SERPINH1: variants seen among roughly 807,000 people sequenced by gnomAD.
SERPINH1 encodes the protein serpin family H member 1.
In SERPINH1, 22 loss-of-function variants were observed where a neutral mutation model predicts 32.3. The ratio of observed to expected loss-of-function variants is 0.68; its 90% CI spans 0.49 to 0.97. SERPINH1 has a LOEUF of 0.97. SERPINH1 is among the 50% of genes least tolerant of loss of function. The pLI is 0.00. For missense variants in SERPINH1, 543 were observed against 576.4 expected (o/e 0.94, Z 0.59); for synonymous variants, 251 against 245.9 (o/e 1.02, Z -0.19).
chr11:75,565,485 G>A (rs1942058359), intron 1 of SERPINH1, among the ~76,000 whole-genome samples: 1 of 152,168 alleles, frequency 6.6e-6, no homozygotes, highest in Non-Finnish European at 1.5e-5. Context: ...TTGTCCTGGG[G>A]ATTTCCCATC....
intron 1 of SERPINH1, chr11:75,563,439 ATT>A: frequency 6.7e-6 from 1 of 150,212 alleles, no homozygotes; most frequent in Non-Finnish European, 1.5e-5. Flanking sequence ...CCCAGCAGAG[ATT>A]TTTTTTTTGT....
At chr11:75,565,175 G>A (rs1942051782) in intron 1 of SERPINH1, among the ~76,000 whole-genome samples, 1 of 152,226 alleles carries the variant, frequency 6.6e-6, no homozygotes, top group Non-Finnish European at 1.5e-5. Flanking sequence ...TGTCCTTGGG[G>A]CCACTGCTAC....
At position 75,566,217 on chromosome 11, in the gene SERPINH1, C is replaced by T. The variant is rs76649778; in HGVS notation, c.-34-99C>T. 910 of 1,107,036 alleles carry T rather than the reference C, an allele frequency of 8.2e-4. 9 individuals are homozygous for T. In the African/African-American group the frequency reaches 0.013, roughly 16 times the overall value. 68.6% of individuals were successfully genotyped at this position (1,107,036 alleles called of 1,614,324 possible). A position where few individuals can be genotyped will look rare whatever the true frequency, so the allele number is the denominator to read the frequency against. ...TCCTGGACTGTGGGCTCTCTTGCCC[C>T]CATCTCCAGGGGACTTGTGGCAGCC... is the stretch of plus-strand genomic sequence containing the variant. On this transcript the variant is annotated intron_variant, in intron 1 of 4. Transcript: ENST00000358171.
intron 1 of SERPINH1, chr11:75,563,704 T>G (rs1389598769): frequency 6.5e-6 from 1 of 152,858 alleles, no homozygotes; most frequent in Non-Finnish European, 1.5e-5. Flanking sequence ...TCCCGCCCTC[T>G]TCACTCTTCT....
Position 75,572,291 on chromosome 11 carries a change from G to T in SERPINH1, c.*208G>T. The T allele has an allele frequency of 4.8e-6, 3 of 626,132 alleles. No individual in the cohort carries two copies. Among genetic ancestry groups the T allele is most frequent in the Non-Finnish European group, 8.6e-6 (3 of 347,808 alleles). The allele number at this position is 626,132 out of a possible 1,614,324, so 38.8% of individuals were successfully genotyped here. ...GGACATGGGCCCCAGATACCATGAT[G>T]CTGAGCCCGGAAACTCCACATCCTG... On this transcript the variant is annotated 3_prime_UTR_variant, in exon 5 of 5. Transcript: ENST00000358171.
chr11:75,571,530 G>A (rs1942194311), intron 4 of SERPINH1, among the ~76,000 whole-genome samples: 3 of 152,212 alleles, frequency 2.0e-5, no homozygotes, highest in Non-Finnish European at 4.4e-5. Context: ...GCCGGGATAC[G>A]TTCTCACTTG....
rs1407552376 is a variant in SERPINH1, at chr11:75,569,082, CA to C, written c.866del (p.Gln289ArgfsTer2). On this transcript the variant is annotated frameshift_variant, in exon 4 of 5. Coordinates refer to ENST00000358171, the MANE Select transcript of SERPINH1 (RefSeq NM_001235.5). LOFTEE classifies it high-confidence loss of function. ...ERLEKLLTKE[Q>X]LKIWMGKMQK... ...CCTTGAAAAGCTGCTAACCAAAGAG[CA>C]GCTGAAGATCTGGATGGGGAAGATG... 2 of 1,614,246 alleles carry C rather than the reference CA, an allele frequency of 1.2e-6. No homozygotes were observed. Among genetic ancestry groups the C allele is most frequent in the Non-Finnish European group, 1.7e-6 (2 of 1,180,042 alleles).
At position 75,566,583 on chromosome 11, in the gene SERPINH1, A is replaced by G. The variant is rs584961; in HGVS notation, c.234A>G (p.Leu78=). ...CACCCGTGGTGGTGGCCTCGTCGCT[A>G]GGGCTCGTGTCGCTGGGCGGCAAGG... The part of the protein sequence containing the change: ...LVSPVVVASS[L]GLVSLGGKAT... Residue 78 remains leucine (L), a synonymous_variant, in exon 2 of 5, where the codon CTA becomes CTG. Transcript: ENST00000358171. 0.89 allele frequency: 1,439,002 copies of G among 1,609,348 alleles called. 644,442 individuals carry two copies. The highest frequency in any genetic ancestry group is 0.95 in the African/African-American group (71,310 of 74,986).
rs1942198520 is a variant in SERPINH1, at chr11:75,571,785, A to G, written c.959A>G (p.His320Arg). The G allele has an allele frequency of 6.2e-7, 1 of 1,613,348 alleles. No individual in the cohort carries two copies. Among genetic ancestry groups the G allele is most frequent in the Admixed American group, 1.7e-5 (1 of 60,002 alleles). Residue 320 changes from histidine to arginine, a missense_variant, in exon 5 of 5, where the codon CAC becomes CGC. By Grantham distance (29) the His-to-Arg change is conservative (BLOSUM62 0). Transcript: ENST00000358171. Reference protein sequence around the residue: ...VVEVTHDLQKHLAGLGLTEAI... With the variant: ...VVEVTHDLQKRLAGLGLTEAI... ...CACACCTCCTTGTTCCCACAGAAAC[A>G]CCTGGCTGGGCTGGGCCTGACTGAG...
rs1205522748 is a variant in SERPINH1, at chr11:75,572,123, G to A, written c.*40G>A. On this transcript the variant is annotated 3_prime_UTR_variant, in exon 5 of 5. Transcript: ENST00000358171. ...CACAGGATGGCAGGAGGCATCCAAA[G>A]GCTCCTGAGACACATGGGTGCTATT... The A allele has an allele frequency of 2.5e-6, 4 of 1,601,578 alleles. No individual in the cohort carries two copies. Among genetic ancestry groups the A allele is most frequent in the Non-Finnish European group, 3.4e-6 (4 of 1,170,294 alleles).
At chr11:75,563,961 G>A (rs1942028615) in intron 1 of SERPINH1, among the ~76,000 whole-genome samples, 1 of 152,204 alleles carries the variant, frequency 6.6e-6, no homozygotes, top group Admixed American at 6.5e-5. Flanking sequence ...TGGCAAGATG[G>A]GCTGGGCTGT....
intron 2 of SERPINH1, 130 bp downstream of exon 2, chr11:75,567,101 CTGT>C: frequency 9.6e-7 from 1 of 1,043,174 alleles, no homozygotes; most frequent in Non-Finnish European, 1.4e-6. Context: ...GGAGGCAGGA[CTGT>C]CACTCAGCTT....
intron 1 of SERPINH1, among the ~76,000 whole-genome samples, chr11:75,565,781 G>A (rs1455937821): frequency 1.3e-5 from 2 of 152,212 alleles, no homozygotes; most frequent in Non-Finnish European, 2.9e-5. Context: ...CCCTTGCCCA[G>A]GCATCTGGGT....
chr11:75,571,233 C>A (rs1203441179), intron 4 of SERPINH1, among the ~76,000 whole-genome samples: 1 of 152,072 alleles, frequency 6.6e-6, no homozygotes, highest in African/African-American at 2.4e-5. Context: ...CCATTTATAC[C>A]CACTAATTCC....
At chr11:75,562,468 G>C (rs900931147) in intron 1 of SERPINH1, 149 bp downstream of exon 1, 2 of 152,294 alleles carry the variant, frequency 1.3e-5, no homozygotes, top group African/African-American at 2.4e-5. Flanking sequence ...GGCACTTTGG[G>C]GGCCGCTGGA....
At chr11:75,564,438 CCT>C (rs1942037839) in intron 1 of SERPINH1, among the ~76,000 whole-genome samples, 1 of 152,150 alleles carries the variant, frequency 6.6e-6, no homozygotes, top group South Asian at 2.1e-4. Context: ...AGGCTGTTGG[CCT>C]CTGCTGTGGT....
rs748644655 is a variant in SERPINH1, at chr11:75,569,078, A to G, written c.861A>G (p.Lys287=). ...PLERLEKLLT[K]EQLKIWMGKM... ...AGCGCCTTGAAAAGCTGCTAACCAAAGAGCAGCTGAAGATCTGGATGGGGA... is the reference window on the plus strand; with the variant it reads ...AGCGCCTTGAAAAGCTGCTAACCAAGGAGCAGCTGAAGATCTGGATGGGGA... The change falls in exon 4 of 5, where the codon AAA becomes AAG. Residue 287 remains lysine (K), a synonymous_variant. Transcript: ENST00000358171. 2.5e-6 allele frequency: 4 copies of G among 1,614,222 alleles called. No individual in the cohort carries two copies. In the Admixed American group the frequency reaches 5.0e-5, roughly 20 times the overall value.
chr11:75,567,914 G>T (rs1284375009), intron 2 of SERPINH1: 2 of 152,666 alleles, frequency 1.3e-5, no homozygotes, highest in Admixed American at 6.5e-5. Context: ...TGGAACACAG[G>T]TCTGGCTGTG....
intron 2 of SERPINH1, 24 bp downstream of exon 2, chr11:75,566,995 G>GTCCTCCTCC: frequency 6.5e-7 from 1 of 1,546,746 alleles, no homozygotes; most frequent in African/African-American, 1.3e-5. Flanking sequence ...GCGTTCAGGG[G>GTCCTCCTCC]TCCTCCTCCT....
Sources: gnomAD v4.1 joint callset for allele counts (sites outside exome capture counted in the v4.1 genomes callset) on GRCh38, gnomAD v4.1.1 for gene constraint, MANE v1.5 for transcripts, NCBI Gene and HGNC (gene_info 2026-07-23, HGNC 2026-07-21) for gene names.